CAV1: variants seen among roughly 807,000 people sequenced by gnomAD.
CAV1 encodes caveolin 1.
CAV1 carries 10 observed loss-of-function variants against 16.5 expected under a neutral mutation model. That is an observed-to-expected ratio of 0.61 (90% CI 0.37 to 1.03). The LOEUF (loss-of-function observed/expected upper bound fraction) is 1.03. Ranked by LOEUF, CAV1 falls within the 50% of genes least tolerant of loss-of-function variation. The pLI, the probability that CAV1 is intolerant of heterozygous loss-of-function variation, is 0.01. For synonymous variants in CAV1, 76 were observed against 85.1 expected (o/e 0.89, Z 0.59); for missense variants, 212 against 232.8 (o/e 0.91, Z 0.58).
At chr7:116,556,327 C>A (rs1794292920) in intron 2 of CAV1, among the ~76,000 whole-genome samples, 1 of 152,298 alleles carries the variant, frequency 6.6e-6, no homozygotes, top group East Asian at 1.9e-4. Context: ...AGAATTGTTG[C>A]AGTTACCAGA....
chr7:116,528,495 C>G (rs987182920), intron 2 of CAV1, among the ~76,000 whole-genome samples: 5 of 152,130 alleles, frequency 3.3e-5, no homozygotes, highest in Admixed American at 2.6e-4. Flanking sequence ...GAACTGTGAG[C>G]AAAACAAGAC....
intron 2 of CAV1, among the ~76,000 whole-genome samples, chr7:116,530,207 C>CTTTTTTTTTTTTTTTTTTTTTTT (rs1423844927): frequency 2.8e-5 from 1 of 35,114 alleles, no homozygotes; most frequent in Non-Finnish European, 6.2e-5. Flanking sequence ...GGTCCTTTTT[C>CTTTTTTTTTTTTTTTTTTTTTTT]CTTTTTTTTT....
In CAV1 at chr7:116,559,735, T is replaced by A; in HGVS notation, c.*448T>A. ...GGAGTGTACAAGTATGTGGGCAGAT[T>A]TTCAGCAAACTCTTTTCCCACTGTT... On this transcript the variant is annotated 3_prime_UTR_variant, in exon 3 of 3. Coordinates refer to ENST00000341049, the MANE Select transcript of CAV1 (RefSeq NM_001753.5). 1 of 437,268 alleles carries A rather than the reference T, an allele frequency of 2.3e-6. No individual in the cohort carries two copies. The highest frequency in any genetic ancestry group is 4.0e-6 in the Non-Finnish European group (1 of 250,370). The allele number at this position is 437,268 out of a possible 1,614,324, so 27.1% of individuals were successfully genotyped here.
intron 2 of CAV1, among the ~76,000 whole-genome samples, chr7:116,538,951 A>G (rs1793880553): frequency 6.6e-6 from 1 of 152,180 alleles, no homozygotes; most frequent in Non-Finnish European, 1.5e-5. Flanking sequence ...GGGAACCGCC[A>G]CCATGATTCA....
intron 2 of CAV1, among the ~76,000 whole-genome samples, chr7:116,528,245 A>G (rs918864834): frequency 2.0e-5 from 3 of 152,150 alleles, no homozygotes; most frequent in African/African-American, 7.2e-5. Context: ...AGAGAGGCCA[A>G]CAGTGTGGAT....
At chr7:116,540,904 T>C (rs1196377348) in intron 2 of CAV1, among the ~76,000 whole-genome samples, 1 of 152,160 alleles carries the variant, frequency 6.6e-6, no homozygotes, top group Non-Finnish European at 1.5e-5. Flanking sequence ...ATAATGGATA[T>C]GGAAACCCCC....
chr7:116,537,419 T>A (rs147662936), intron 2 of CAV1, among the ~76,000 whole-genome samples: 6 of 152,254 alleles, frequency 3.9e-5, no homozygotes, highest in Non-Finnish European at 8.8e-5. Flanking sequence ...AAAGATCATT[T>A]TACTGACACC....
intron 2 of CAV1, among the ~76,000 whole-genome samples, chr7:116,540,004 G>T (rs974585264): frequency 1.3e-5 from 2 of 152,142 alleles, no homozygotes; most frequent in African/African-American, 4.8e-5. Flanking sequence ...GGAATGGCCC[G>T]AAAGAAAAAT....
At chr7:116,558,582 T>C (rs1794337446) in intron 2 of CAV1, among the ~76,000 whole-genome samples, 1 of 144,556 alleles carries the variant, frequency 6.9e-6, no homozygotes, top group Non-Finnish European at 1.5e-5. Context: ...ACTCCATCTC[T>C]TAAAAAAAAA....
rs567406572 is a variant in CAV1 at position 116,536,717 on chromosome 7, A to G, written c.195+10028A>G. On this transcript the variant is annotated intron_variant, in intron 2 of 2. Coordinates refer to ENST00000341049, the MANE Select transcript of CAV1 (RefSeq NM_001753.5). ...GGGCTTTTTAGGCCAGAAAAAAGCC[A>G]TTAAGGCCGGGCGCGGTGGCTCACG... Among the ~76,000 whole-genome samples, 257 of 152,332 alleles carry G rather than the reference A, an allele frequency of 1.7e-3. 1 individual carries two copies. The highest frequency in any genetic ancestry group is 5.9e-3 in the African/African-American group (244 of 41,572).
At chr7:116,539,631 T>A (rs1035218326) in intron 2 of CAV1, among the ~76,000 whole-genome samples, 1 of 152,176 alleles carries the variant, frequency 6.6e-6, no homozygotes, top group Non-Finnish European at 1.5e-5. Context: ...TTCTAATATG[T>A]GTGTATATTT....
At chr7:116,552,922 T>A (rs1462788674) in intron 2 of CAV1, among the ~76,000 whole-genome samples, 1 of 152,240 alleles carries the variant, frequency 6.6e-6, no homozygotes, top group African/African-American at 2.4e-5. Context: ...AGGATCCTGT[T>A]GGCAGAGAAG....
intron 2 of CAV1, among the ~76,000 whole-genome samples, chr7:116,531,780 T>C (rs1793691036): frequency 1.3e-5 from 2 of 152,184 alleles, no homozygotes; most frequent in Non-Finnish European, 2.9e-5. Context: ...TAGTTTTGCT[T>C]GTGTATTTGT....
chr7:116,525,411 G>A, intron 1 of CAV1: 1 of 1,446,134 alleles, frequency 6.9e-7, no homozygotes, highest in Non-Finnish European at 9.2e-7. Flanking sequence ...ATGCTCCCTT[G>A]TCGCGGGACC....
chr7:116,535,672 A>C (rs1454147770), intron 2 of CAV1, among the ~76,000 whole-genome samples: 2 of 152,200 alleles, frequency 1.3e-5, no homozygotes, highest in East Asian at 3.8e-4. Flanking sequence ...GGTAGAACAG[A>C]ATTACACCTG....
chr7:116,534,965 T>C (rs1333650496), intron 2 of CAV1, among the ~76,000 whole-genome samples: 1 of 152,166 alleles, frequency 6.6e-6, no homozygotes, highest in Non-Finnish European at 1.5e-5. Flanking sequence ...TTTGAAACAC[T>C]GTGGAGGGCT....
At position 116,560,092 on chromosome 7, in the gene CAV1, A is replaced by C. The variant is rs1227456429; in HGVS notation, c.*805A>C. 2.8e-6 allele frequency: 1 copy of C among 356,036 alleles called. No homozygotes were observed. Among genetic ancestry groups the C allele is most frequent in the African/African-American group, 2.1e-5 (1 of 47,650 alleles). 22.1% of individuals were successfully genotyped at this position (356,036 alleles called of 1,614,324 possible). A position where few individuals can be genotyped will look rare whatever the true frequency, so the allele number is the denominator to read the frequency against. On this transcript the variant is annotated 3_prime_UTR_variant, in exon 3 of 3. Transcript: ENST00000341049. ...TGACTCTGAGCTACAGAGTCTGGTGAAGCTCACTTCTGGGCTTCATCTGGC... is the reference window on the plus strand; with the variant it reads ...TGACTCTGAGCTACAGAGTCTGGTGCAGCTCACTTCTGGGCTTCATCTGGC...
In CAV1 at chr7:116,559,702, A is replaced by G; in HGVS notation, c.*415A>G. ...TATGTTAAGGGAAGAATTCCAGGGT[A>G]TGGCCATGGAGTGTACAAGTATGTG... is the stretch of plus-strand genomic sequence containing the variant. On this transcript the variant is annotated 3_prime_UTR_variant, in exon 3 of 3. Transcript: ENST00000341049. The G allele has an allele frequency of 1.9e-6, 1 of 525,150 alleles. No homozygotes were observed. Among genetic ancestry groups the G allele is most frequent in the Non-Finnish European group, 3.3e-6 (1 of 303,628 alleles). The allele number at this position is 525,150 out of a possible 1,614,324, so 32.5% of individuals were successfully genotyped here.
intron 2 of CAV1, among the ~76,000 whole-genome samples, chr7:116,531,832 T>C (rs188188694): frequency 1.9e-3 from 296 of 152,334 alleles, no homozygotes; most frequent in Non-Finnish European, 3.0e-3. Flanking sequence ...TATTCTACCA[T>C]GTATGAAGTC....
Sources: allele counts gnomAD v4.1 joint callset (sites outside exome capture counted in the v4.1 genomes callset), GRCh38; gene constraint gnomAD v4.1.1; transcripts MANE v1.5; gene names NCBI Gene and HGNC (gene_info 2026-07-23, HGNC 2026-07-21).